The following STK3 variants were observed in gnomAD, a reference collection of about 807,000 sequenced individuals.
STK3 encodes the protein serine/threonine kinase 3, also known as serine/threonine-protein kinase 3.
STK3 carries 41 observed loss-of-function variants against 58.0 expected under a neutral mutation model. The observed-to-expected ratio is 0.71, with a 90% CI of 0.55 to 0.92. The LOEUF (loss-of-function observed/expected upper bound fraction) is 0.92. Ranked by LOEUF, STK3 falls within the 40% of genes least tolerant of loss-of-function variation. STK3 has a pLI of 0.00. For missense variants in STK3, 479 were observed against 602.7 expected (o/e 0.79, Z 2.15); for synonymous variants, 170 against 191.0 (o/e 0.89, Z 0.91).
intron 1 of STK3, among the ~76,000 whole-genome samples, chr8:98,444,692 T>A (rs561481264): frequency 6.6e-6 from 1 of 152,222 alleles, no homozygotes. Flanking sequence ...ACAAGGGGAA[T>A]GGCGTTTGGT....
chr8:98,799,548 T>C (rs1833383653), intron 1 of STK3, among the ~76,000 whole-genome samples: 2 of 152,142 alleles, frequency 1.3e-5, no homozygotes, highest in South Asian at 2.1e-4. Flanking sequence ...CCAAGGTATA[T>C]TCTTCTTATG....
At chr8:98,688,199 T>A (rs546825337) in intron 6 of STK3, among the ~76,000 whole-genome samples, 7 of 152,300 alleles carry the variant, frequency 4.6e-5, no homozygotes, top group Admixed American at 3.9e-4. Context: ...TTTAAAGGGT[T>A]CAGTTATACA....
intron 10 of STK3, among the ~76,000 whole-genome samples, chr8:98,480,955 C>A (rs1045533835): frequency 6.6e-6 from 1 of 152,076 alleles, no homozygotes; most frequent in Admixed American, 6.6e-5. Context: ...TATTTTTCAG[C>A]TTTTTGAATA....
intron 6 of STK3, chr8:98,598,518 G>C: frequency 1.0e-6 from 1 of 985,352 alleles, no homozygotes; most frequent in Non-Finnish European, 1.2e-6. Context: ...ATCAATAATA[G>C]ATTTTCTTGA....
At chr8:98,453,445 G>C (rs1819295987), downstream of STK3, among the ~76,000 whole-genome samples, 1 of 152,230 alleles carries the variant, frequency 6.6e-6, no homozygotes, top group East Asian at 1.9e-4. Flanking sequence ...TTGACTGGTA[G>C]GGGCAAAGAG....
intron 10 of STK3, among the ~76,000 whole-genome samples, chr8:98,473,742 C>T (rs1159802041): frequency 6.6e-6 from 1 of 152,114 alleles, no homozygotes; most frequent in Non-Finnish European, 1.5e-5. Flanking sequence ...TCCTACAACA[C>T]CATGCTCTCT....
intron 1 of STK3, among the ~76,000 whole-genome samples, chr8:98,439,491 G>A (rs1048535968): frequency 6.6e-6 from 1 of 152,124 alleles, no homozygotes; most frequent in Non-Finnish European, 1.5e-5. Flanking sequence ...CAGAACTGAG[G>A]AAAGCTTGCC....
rs183233827 is a variant in STK3 at position 98,776,964 on chromosome 8, G to C, written c.27-2145C>G. On this transcript the variant is annotated intron_variant, in intron 1 of 10. Transcript: ENST00000419617. Reference sequence around the variant, plus strand: ...ACTTGCGAGGCTGAGGCAGGAGAATGGCGTGAACCCAGGAGGCGGAGCTTG... The same window carrying C: ...ACTTGCGAGGCTGAGGCAGGAGAATCGCGTGAACCCAGGAGGCGGAGCTTG... 7.4e-4 allele frequency among the ~76,000 whole-genome samples: 113 copies of C among 151,986 alleles called. 1 individual carries two copies. Among genetic ancestry groups the C allele is most frequent in the African/African-American group, 2.6e-3 (106 of 41,484 alleles).
chr8:98,425,232 C>A (rs1441472329), intron 3 of STK3, among the ~76,000 whole-genome samples: 1 of 152,154 alleles, frequency 6.6e-6, no homozygotes, highest in African/African-American at 2.4e-5. Context: ...CCCAGCAGAC[C>A]TAGATAGAGG....
At chr8:98,623,416 G>A (rs55947965) in intron 6 of STK3, among the ~76,000 whole-genome samples, 4,522 of 152,240 alleles carry the variant, frequency 0.03, 98 homozygotes, top group South Asian at 0.061. Flanking sequence ...AGGTCATAAA[G>A]GTGGGGCTCT....
chr8:98,909,444 C>T (rs1205427189), intron 1 of STK3, among the ~76,000 whole-genome samples: 6 of 152,176 alleles, frequency 3.9e-5, no homozygotes, highest in Admixed American at 3.3e-4. Context: ...TCACCACAAT[C>T]AGCTTTAAAA....
downstream of STK3, chr8:98,882,109 G>T (rs919579998): frequency 3.9e-5 from 6 of 152,072 alleles, no homozygotes; most frequent in African/African-American, 1.2e-4. Flanking sequence ...ATAATATACA[G>T]CAAGTCCAAA....
intron 6 of STK3, among the ~76,000 whole-genome samples, chr8:98,679,157 C>T (rs1021696272): frequency 6.6e-6 from 1 of 152,178 alleles, no homozygotes; most frequent in Non-Finnish European, 1.5e-5. Flanking sequence ...TGTAATTCCA[C>T]CCTTACCACC....
chr8:98,590,182 G>T (rs1335386899), intron 7 of STK3, among the ~76,000 whole-genome samples: 1 of 152,140 alleles, frequency 6.6e-6, no homozygotes, highest in Non-Finnish European at 1.5e-5. Flanking sequence ...TCCGACAAAA[G>T]AAAATAACCA....
At chr8:98,761,791 C>T (rs34627119) in intron 3 of STK3, among the ~76,000 whole-genome samples, 9,222 of 152,236 alleles carry the variant, frequency 0.061, 388 homozygotes, top group Non-Finnish European at 0.095. Flanking sequence ...ATCAATAATC[C>T]TCCAACATGG....
At chr8:98,742,077 T>A (rs1375345078) in intron 4 of STK3, among the ~76,000 whole-genome samples, 6 of 151,598 alleles carry the variant, frequency 4.0e-5, no homozygotes, top group South Asian at 2.1e-4. Context: ...TCTGAAATTG[T>A]GGCAATAATC....
the STK3 span, among the ~76,000 whole-genome samples, chr8:98,363,139 G>A: frequency 3.3e-5 from 5 of 152,218 alleles, no homozygotes; most frequent in African/African-American, 1.2e-4. Context: ...AATGGAGCAG[G>A]GTCTTTGAAG....
intron 4 of STK3, among the ~76,000 whole-genome samples, chr8:98,710,231 T>C (rs899285401): frequency 6.6e-6 from 1 of 151,996 alleles, no homozygotes. Flanking sequence ...AGAAGACACA[T>C]GATTTCTGCA....
intron 4 of STK3, among the ~76,000 whole-genome samples, chr8:98,743,246 G>GAA (rs201099118): frequency 7.4e-5 from 10 of 135,714 alleles, no homozygotes; most frequent in Admixed American, 2.2e-4. Context: ...AGTTCATATG[G>GAA]AAAAAAAAAA....
Sources: gnomAD v4.1 joint callset for allele counts (sites outside exome capture counted in the v4.1 genomes callset) on GRCh38, gnomAD v4.1.1 for gene constraint, MANE v1.5 for transcripts, NCBI Gene and HGNC (gene_info 2026-07-23, HGNC 2026-07-21) for gene names.